Variants in MROH1 observed in about 807,000 individuals in gnomAD.
The protein encoded by MROH1 is maestro heat-like repeat-containing protein family member 1.
Under a neutral mutation model 116.5 loss-of-function variants are expected in MROH1, and 117 were observed. That is an observed-to-expected ratio of 1.00 (90% CI 0.86 to 1.17). MROH1 has a LOEUF of 1.17. Among genes scored for constraint, MROH1 ranks in the 50% most tolerant of loss-of-function variants. MROH1 has a pLI of 0.00. For synonymous variants in MROH1, 921 were observed against 583.9 expected (o/e 1.58, Z -8.32); for missense variants, 1,873 against 1,338.5 (o/e 1.40, Z -6.23).
At chr8:144,260,459 C>T (rs1031820002) in intron 39 of MROH1, 85 bp downstream of exon 39, 3 of 697,696 alleles carry the variant, frequency 4.3e-6, no homozygotes, top group Non-Finnish European at 5.2e-6. Flanking sequence ...CCCCACCCTC[C>T]TCCCTGTCTC....
At chr8:144,175,979 G>A (rs1036807109) in intron 4 of MROH1, among the ~76,000 whole-genome samples, 2 of 152,142 alleles carry the variant, frequency 1.3e-5, no homozygotes, top group Non-Finnish European at 2.9e-5. Flanking sequence ...AACCTGGGAG[G>A]CGGAGGTTGC....
At chr8:144,174,168 A>G (rs1452832781) in intron 4 of MROH1, among the ~76,000 whole-genome samples, 1 of 152,148 alleles carries the variant, frequency 6.6e-6, no homozygotes, top group Non-Finnish European at 1.5e-5. Flanking sequence ...AGCCAATTAG[A>G]AAAGGGTAGG....
intron 4 of MROH1, 53 bp from the exon 5 acceptor site, chr8:144,179,402 G>A (rs1346118643): frequency 1.2e-6 from 2 of 1,600,156 alleles, no homozygotes; most frequent in African/African-American, 2.7e-5. Flanking sequence ...GGCACTCAGA[G>A]TGTCTGGGTG....
intron 31 of MROH1, among the ~76,000 whole-genome samples, chr8:144,248,658 C>T (rs1313176647): frequency 6.6e-6 from 1 of 152,218 alleles, no homozygotes; most frequent in East Asian, 1.9e-4. Flanking sequence ...CTTCCAGGAG[C>T]CCGCCCAGGT....
chr8:144,178,704 G>A (rs1824752603), intron 4 of MROH1, among the ~76,000 whole-genome samples: 1 of 152,212 alleles, frequency 6.6e-6, no homozygotes, highest in Non-Finnish European at 1.5e-5. Flanking sequence ...GCCATGGTGG[G>A]TGCATCATTG....
chr8:144,261,252 C>G, intron 42 of MROH1, 32 bp from the exon 43 acceptor site: 1 of 756,016 alleles, frequency 1.3e-6, no homozygotes. Context: ...CCACGCCGCC[C>G]GGCAGCCCCG....
At chr8:144,229,944 G>A (rs1047530299) in intron 14 of MROH1, among the ~76,000 whole-genome samples, 1 of 150,908 alleles carries the variant, frequency 6.6e-6, no homozygotes, top group Non-Finnish European at 1.5e-5. Flanking sequence ...TGAGGCAGGA[G>A]AATCACTTGA....
In MROH1 at chr8:144,261,321, G is replaced by A. The variant is rs1188258803; in HGVS notation, c.4812G>A (p.Pro1604=). The A allele has an allele frequency of 4.5e-5, 32 of 715,490 alleles. No homozygotes were observed. The East Asian group carries it at 5.5e-4, about 12-fold the overall frequency. The allele number at this position is 715,490 out of a possible 1,614,324, so 44.3% of individuals were successfully genotyped here. Residue 1604 remains proline, a synonymous_variant, in exon 43 of 44, where the codon CCG becomes CCA. Coordinates refer to ENST00000326134, the MANE Select transcript of MROH1 (RefSeq NM_032450.3). ...TGCACTCGGAGCCCAGGCAGCAGCC[G>A]CAGGTGGACCTGGACCAGCTCATTG... ...LVLHSEPRQQ[P]QVDLDQLIAA...
intron 7 of MROH1, among the ~76,000 whole-genome samples, chr8:144,188,484 T>C (rs915526392): frequency 9.2e-5 from 3 of 32,576 alleles, no homozygotes; most frequent in African/African-American, 3.6e-4. Flanking sequence ...TTTTTTTTTT[T>C]TTTGAGACAA....
At chr8:144,166,395 C>T (rs1345350178) in intron 3 of MROH1, among the ~76,000 whole-genome samples, 2 of 152,174 alleles carry the variant, frequency 1.3e-5, no homozygotes, top group Non-Finnish European at 2.9e-5. Context: ...CCTGGGTGGC[C>T]GAGCCTCTGC....
rs1159432983 is a variant in MROH1, at chr8:144,260,013, G to C, written c.4147G>C (p.Val1383Leu). The C allele has an allele frequency of 4.1e-6, 3 of 727,584 alleles. No homozygotes were observed. Among genetic ancestry groups the C allele is most frequent in the South Asian group, 1.4e-5 (1 of 69,266 alleles). 45.1% of individuals were successfully genotyped at this position (727,584 alleles called of 1,614,324 possible). ...CACATGCGCCAGCGTGCGGAGGCTG[G>C]TGCTCCGCGGCCTGGCCAACCTGGC... Reference protein sequence around the residue: ...KDTCASVRRLVLRGLANLASG... With the variant: ...KDTCASVRRLLLRGLANLASG... Residue 1383 changes from valine (V) to leucine (L), a missense_variant, in exon 38 of 44, where the codon GTG (valine) becomes CTG (leucine). By Grantham distance (32) the Val-to-Leu change is conservative. Transcript: ENST00000326134.
intron 12 of MROH1, chr8:144,213,226 C>A: frequency 1.6e-6 from 1 of 644,672 alleles, no homozygotes; most frequent in Non-Finnish European, 2.8e-6. Flanking sequence ...CTGTTCATGG[C>A]TCTCTGCCAC....
chr8:144,169,072 C>A (rs1821756647), intron 4 of MROH1, among the ~76,000 whole-genome samples: 1 of 152,230 alleles, frequency 6.6e-6, no homozygotes, highest in Admixed American at 6.5e-5. Context: ...TTCGGCCTCG[C>A]CTGATCTTGG....
At chr8:144,196,114 C>A (rs1829830298) in intron 10 of MROH1, among the ~76,000 whole-genome samples, 1 of 151,546 alleles carries the variant, frequency 6.6e-6, no homozygotes, top group African/African-American at 2.4e-5. Flanking sequence ...CATAGTGAAA[C>A]CCTGTCTCTA....
chr8:144,205,276 C>T (rs1234820502), intron 12 of MROH1, among the ~76,000 whole-genome samples: 1 of 152,164 alleles, frequency 6.6e-6, no homozygotes, highest in African/African-American at 2.4e-5. Context: ...TCTTTCAGTC[C>T]ATGGTCCAGA....
chr8:144,233,745 T>A (rs144743531), intron 14 of MROH1, among the ~76,000 whole-genome samples: 1 of 152,228 alleles, frequency 6.6e-6, no homozygotes, highest in African/African-American at 2.4e-5. Context: ...TGTCCCTTCA[T>A]GGACACTCGG....
At chr8:144,173,388 T>C (rs1423671782) in intron 4 of MROH1, among the ~76,000 whole-genome samples, 1 of 150,074 alleles carries the variant, frequency 6.7e-6, no homozygotes, top group African/African-American at 2.4e-5. Flanking sequence ...TGATGTAGGA[T>C]TCTTCTTTTT....
intron 1 of MROH1, among the ~76,000 whole-genome samples, chr8:144,153,638 C>T (rs1817372209): frequency 6.6e-6 from 1 of 152,120 alleles, no homozygotes; most frequent in African/African-American, 2.4e-5. Flanking sequence ...GATTCCATAT[C>T]TTGGCTTTTG....
intron 13 of MROH1, among the ~76,000 whole-genome samples, chr8:144,221,100 G>T (rs1332892816): frequency 1.3e-5 from 2 of 152,172 alleles, no homozygotes; most frequent in African/African-American, 4.8e-5. Flanking sequence ...CGCGGACAGT[G>T]TTAGACCCCC....
Sources: allele counts gnomAD v4.1 joint callset (sites outside exome capture counted in the v4.1 genomes callset), GRCh38; gene constraint gnomAD v4.1.1; transcripts MANE v1.5; gene names NCBI Gene and HGNC (gene_info 2026-07-23, HGNC 2026-07-21).